Variants in INO80D observed in about 807,000 individuals in gnomAD.
INO80D encodes INO80 complex subunit D.
INO80D carries 21 observed loss-of-function variants against 87.6 expected under a neutral mutation model. The observed-to-expected ratio is 0.24, with a 90% CI of 0.17 to 0.35. The LOEUF is 0.35. Ranked by LOEUF, INO80D falls within the 10% of genes least tolerant of loss-of-function variation. The pLI is 1.00. For missense variants in INO80D, 982 were observed against 1,280.7 expected (o/e 0.77, Z 3.56); for synonymous variants, 440 against 491.0 (o/e 0.90, Z 1.37).
chr2:206,063,282 A>G lies in INO80D; in HGVS notation c.-123-38T>C. ...CAAAAGGCCTAGTTAACAAACAGAA[A>G]TAAGCAAAGCTAGCTCACCCAGGAA... On this transcript the variant is annotated intron_variant, in intron 1 of 10. Coordinates refer to ENST00000403263, the MANE Select transcript of INO80D (RefSeq NM_017759.5). The G allele has an allele frequency of 2.3e-5, 12 of 529,546 alleles. No homozygotes were observed. The South Asian group carries it at 3.5e-4, about 15-fold the overall frequency. The allele number at this position is 529,546 out of a possible 1,614,324, so 32.8% of individuals were successfully genotyped here.
chr2:206,076,509 T>C (rs1690120611), intron 1 of INO80D, among the ~76,000 whole-genome samples: 1 of 152,124 alleles, frequency 6.6e-6, no homozygotes, highest in Non-Finnish European at 1.5e-5. Flanking sequence ...ATGATGAAAA[T>C]CTATCAACTG....
intron 6 of INO80D, among the ~76,000 whole-genome samples, chr2:206,022,027 T>C (rs1688478231): frequency 6.6e-6 from 1 of 152,166 alleles, no homozygotes; most frequent in South Asian, 2.1e-4. Flanking sequence ...TAACTATTGG[T>C]TTCATTTTTT....
At chr2:206,055,036 T>A (rs1028083976) in intron 4 of INO80D, among the ~76,000 whole-genome samples, 4 of 152,224 alleles carry the variant, frequency 2.6e-5, no homozygotes, top group African/African-American at 9.6e-5. Context: ...ACAATGGATA[T>A]CATTTTTCAC....
At chr2:206,008,486 G>A (rs1688086693) in intron 9 of INO80D, among the ~76,000 whole-genome samples, 2 of 151,216 alleles carry the variant, frequency 1.3e-5, no homozygotes, top group South Asian at 4.2e-4. Context: ...TCACCATCTT[G>A]GCCAGGCTGG....
chr2:206,011,430 T>A (rs1029540127), intron 8 of INO80D, among the ~76,000 whole-genome samples: 1 of 152,226 alleles, frequency 6.6e-6, no homozygotes, highest in Non-Finnish European at 1.5e-5. Flanking sequence ...CTGTGACTGA[T>A]ACCTGCCTTG....
chr2:206,039,427 A>G (rs915387278), intron 5 of INO80D, among the ~76,000 whole-genome samples: 3 of 152,092 alleles, frequency 2.0e-5, no homozygotes, highest in Non-Finnish European at 4.4e-5. Flanking sequence ...AAAGAAACAT[A>G]TAAACGATGT....
chr2:206,022,858 C>T (rs895330540), intron 6 of INO80D, among the ~76,000 whole-genome samples: 5 of 152,066 alleles, frequency 3.3e-5, no homozygotes, highest in African/African-American at 7.2e-5. Context: ...AGACTACAGG[C>T]GCATGCCACC....
chr2:206,069,334 C>T (rs903188165), intron 1 of INO80D, among the ~76,000 whole-genome samples: 1 of 151,986 alleles, frequency 6.6e-6, no homozygotes, highest in Non-Finnish European at 1.5e-5. Context: ...TTTTCTATAG[C>T]TTACTGTATT....
rs372534020 is a variant in INO80D at position 206,006,948 on chromosome 2, G to A, written c.1918+336C>T. Among the ~76,000 whole-genome samples the A allele has an allele frequency of 1.2e-4, 18 of 152,292 alleles. No individual in the cohort carries two copies. In the East Asian group the frequency reaches 1.9e-3, roughly 16 times the overall value. On this transcript the variant is annotated intron_variant, in intron 10 of 10. Coordinates refer to ENST00000403263, the MANE Select transcript of INO80D (RefSeq NM_017759.5). ...TGAAATCCCAGCTACTCGGGAGGCC[G>A]AGGCGAAAGAATCGCTTGAACCCGG...
intron 8 of INO80D, among the ~76,000 whole-genome samples, chr2:206,013,425 A>G (rs917881772): frequency 2.0e-5 from 3 of 151,816 alleles, no homozygotes; most frequent in Non-Finnish European, 4.4e-5. Context: ...GGTGGCAGGC[A>G]CCTGTAGTCC....
chr2:206,050,739 C>T (rs1221497275), intron 4 of INO80D, among the ~76,000 whole-genome samples: 2 of 151,956 alleles, frequency 1.3e-5, no homozygotes, highest in Admixed American at 6.6e-5. Context: ...GAGGCCGAGG[C>T]GGGCGGATCA....
intron 1 of INO80D, among the ~76,000 whole-genome samples, chr2:206,077,300 A>G (rs1261068309): frequency 6.6e-6 from 1 of 151,748 alleles, no homozygotes; most frequent in African/African-American, 2.4e-5. Context: ...AGATCGCGCC[A>G]CTGCACTCCA....
chr2:206,072,416 T>C (rs1490000483), intron 1 of INO80D, among the ~76,000 whole-genome samples: 4 of 151,808 alleles, frequency 2.6e-5, no homozygotes, highest in South Asian at 4.2e-4. Context: ...GCTGGGATTA[T>C]AGGCGCCCGC....
intron 6 of INO80D, among the ~76,000 whole-genome samples, chr2:206,021,256 C>T (rs1009544797): frequency 6.6e-6 from 1 of 152,164 alleles, no homozygotes; most frequent in Non-Finnish European, 1.5e-5. Context: ...TAAGGCCACA[C>T]AGAATCTAAA....
intron 4 of INO80D, among the ~76,000 whole-genome samples, chr2:206,049,038 A>G (rs1689274015): frequency 1.3e-5 from 2 of 152,226 alleles, no homozygotes; most frequent in Admixed American, 1.3e-4. Context: ...AGACACCTTG[A>G]TAACTAGTAT....
intron 1 of INO80D, among the ~76,000 whole-genome samples, chr2:206,072,004 C>T (rs1689984853): frequency 6.6e-6 from 1 of 152,124 alleles, no homozygotes; most frequent in South Asian, 2.1e-4. Context: ...GAACTTCCTA[C>T]AAAACTGGTA....
intron 6 of INO80D, among the ~76,000 whole-genome samples, chr2:206,024,593 T>C (rs1275524856): frequency 6.6e-6 from 1 of 152,136 alleles, no homozygotes; most frequent in East Asian, 1.9e-4. Flanking sequence ...AAGGGCACAG[T>C]GCATCCATGT....
intron 7 of INO80D, among the ~76,000 whole-genome samples, chr2:206,018,270 G>A (rs534305275): frequency 2.6e-5 from 4 of 152,186 alleles, no homozygotes; most frequent in East Asian, 1.9e-4. Flanking sequence ...TCAGCCTCCC[G>A]AGTAACTGGG....
chr2:206,040,752 TA>T, intron 5 of INO80D: 2 of 287,608 alleles, frequency 7.0e-6, no homozygotes, highest in South Asian at 3.4e-5. Context: ...ATCCTGCTCT[TA>T]AACACAAGTC....
Sources: allele counts gnomAD v4.1 joint callset (sites outside exome capture counted in the v4.1 genomes callset), GRCh38; gene constraint gnomAD v4.1.1; transcripts MANE v1.5; gene names NCBI Gene and HGNC (gene_info 2026-07-23, HGNC 2026-07-21).